AFDN: variants seen among roughly 807,000 people sequenced by gnomAD.
AFDN encodes afadin.
Under a neutral mutation model 216.6 loss-of-function variants are expected in AFDN, and 68 were observed. That is an observed-to-expected ratio of 0.31 (90% CI 0.26 to 0.38). AFDN has a LOEUF of 0.38. Among genes scored for constraint, AFDN ranks in the 10% least tolerant of loss-of-function variants. AFDN has a pLI of 1.00. For synonymous variants in AFDN, 868 were observed against 853.7 expected, an observed-to-expected ratio of 1.02 and a Z score of -0.29; for missense variants, 2,136 against 2,342.0, an observed-to-expected ratio of 0.91 and a Z score of 1.82.
chr6:167,831,326 TA>T (rs1779809188), intron 1 of AFDN, among the ~76,000 whole-genome samples: 1 of 152,246 alleles, frequency 6.6e-6, no homozygotes, highest in African/African-American at 2.4e-5. Flanking sequence ...GCCAATGATG[TA>T]TTTTTAGTAT....
intron 5 of AFDN, among the ~76,000 whole-genome samples, chr6:167,876,477 A>G (rs1406717106): frequency 6.6e-6 from 1 of 152,256 alleles, no homozygotes; most frequent in Admixed American, 6.5e-5. Context: ...ACAAAGAAGA[A>G]CAGTAGTAAA....
chr6:167,868,644 T>C (rs1476745030), intron 2 of AFDN, among the ~76,000 whole-genome samples: 5 of 152,198 alleles, frequency 3.3e-5, no homozygotes. Flanking sequence ...AAGGAGTCTA[T>C]GTTATCATCA....
chr6:167,896,134 A>C (rs769996448), intron 9 of AFDN, among the ~76,000 whole-genome samples: 3 of 152,010 alleles, frequency 2.0e-5, no homozygotes, highest in Non-Finnish European at 2.9e-5. Context: ...TCGGCAGAGC[A>C]GCTTCCTCCT....
In AFDN at chr6:167,889,225, C is replaced by T. The variant is rs754642405; in HGVS notation, c.908C>T (p.Pro303Leu). 4 of 1,612,876 alleles carry T rather than the reference C, an allele frequency of 2.5e-6. No homozygotes were observed. Among genetic ancestry groups the T allele is most frequent in the Admixed American group, 1.7e-5 (1 of 59,936 alleles). The part of the protein sequence containing the change: ...KDYCIARVML[P>L]PGAQHSDEKG... Reference sequence around the variant, plus strand: ...TTTTTGTTTTTTTAGGTTATGCTTCCTCCTGGAGCCCAGCATTCTGATGAA... The same window carrying T: ...TTTTTGTTTTTTTAGGTTATGCTTCTTCCTGGAGCCCAGCATTCTGATGAA... Residue 303 changes from proline (P) to leucine (L), a missense_variant, in exon 7 of 34, where the codon CCT becomes CTT. Coordinates refer to ENST00000683244, the MANE Select transcript of AFDN (RefSeq NM_001386888.1).
intron 21 of AFDN, among the ~76,000 whole-genome samples, 185 bp downstream of exon 21, chr6:167,919,118 A>G (rs1212412612): frequency 6.6e-6 from 1 of 152,236 alleles, no homozygotes; most frequent in African/African-American, 2.4e-5. Flanking sequence ...GTGTCGAGAC[A>G]CAGAGCCCTT....
chr6:167,944,021 C>T lies in AFDN; in HGVS notation c.3320C>T (p.Ala1107Val), dbSNP rs1042341589. 2 of 1,614,070 alleles carry T rather than the reference C, an allele frequency of 1.2e-6. No individual in the cohort carries two copies. The highest frequency in any genetic ancestry group is 2.7e-5 in the African/African-American group (2 of 75,022). Residue 1107 changes from alanine to valine, a missense_variant, in exon 26 of 34, where the codon GCC becomes GTC. This residue lies in a region of AFDN where 74 missense variants were observed against 98.8 expected (regional missense o/e 0.75). Transcript: ENST00000683244. ...CAGGGTGCCATCTACCACGGTCTGGCCACCCTTCTCAATCAGCCATCCCCC... is the reference window on the plus strand; with the variant it reads ...CAGGGTGCCATCTACCACGGTCTGGTCACCCTTCTCAATCAGCCATCCCCC... ...AKQGAIYHGL[A>V]TLLNQPSPMM...
chr6:167,951,908 G>T lies in AFDN; in HGVS notation c.4554G>T (p.Leu1518=), dbSNP rs373228271. 1 of 1,613,794 alleles carries T rather than the reference G, an allele frequency of 6.2e-7. No individual in the cohort carries two copies. The highest frequency in any genetic ancestry group is 1.3e-5 in the African/African-American group (1 of 74,898). The change falls in exon 30 of 34, where the codon CTG becomes CTT. Residue 1518 remains leucine, a synonymous_variant. Coordinates refer to ENST00000683244, the MANE Select transcript of AFDN (RefSeq NM_001386888.1). The surrounding 1 kb of genome is among the most constrained non-coding windows in gnomAD (Gnocchi z 7.1). ...SKEELSSGDS[L]SPDPWKRDAK... Reference sequence around the variant, plus strand: ...AGGAGCTTTCCTCGGGGGACAGTCTGTCCCCCGACCCGTGGAAGCGGGACG... The same window carrying T: ...AGGAGCTTTCCTCGGGGGACAGTCTTTCCCCCGACCCGTGGAAGCGGGACG...
At chr6:167,911,586 A>C in intron 15 of AFDN, 97 bp downstream of exon 15, 1 of 1,101,866 alleles carries the variant, frequency 9.1e-7, no homozygotes, top group South Asian at 1.4e-5. Flanking sequence ...ATTTGGTTAC[A>C]AGATTTTTTT....
At chr6:167,942,278 C>T (rs541143297) in intron 23 of AFDN, among the ~76,000 whole-genome samples, 81 of 152,292 alleles carry the variant, frequency 5.3e-4, no homozygotes, top group African/African-American at 1.8e-3. Context: ...ATCGTATCTT[C>T]GTACCTTTCT....
At position 167,915,305 on chromosome 6, in the gene AFDN, C is replaced by T; in HGVS notation, c.2437C>T (p.Pro813Ser). The change falls in exon 19 of 34, where the codon CCA becomes TCA. Residue 813 changes from proline (P) to serine (S), a missense_variant. Pro to Ser is a moderately conservative substitution (Grantham distance 74). Around this residue, in one of 8 missense-constraint regions of AFDN, gnomAD observed 817 missense variants for 965.7 expected, o/e 0.85. Coordinates refer to ENST00000683244, the MANE Select transcript of AFDN (RefSeq NM_001386888.1). ...MWLFNRLVTDPDSGLCSHYWG... is the reference protein window; with the variant it reads ...MWLFNRLVTDSDSGLCSHYWG... ...GCTGTTCAATAGATTGGTGACCGACCCAGATTCGGGGCTGTGCTCCCATTA... is the reference window on the plus strand; with the variant it reads ...GCTGTTCAATAGATTGGTGACCGACTCAGATTCGGGGCTGTGCTCCCATTA... 7.4e-6 allele frequency: 12 copies of T among 1,614,216 alleles called. No homozygotes were observed. Among genetic ancestry groups the T allele is most frequent in the Non-Finnish European group, 1.0e-5 (12 of 1,180,034 alleles).
At chr6:167,917,343 A>G in intron 20 of AFDN, 111 bp downstream of exon 20, 1 of 1,138,750 alleles carries the variant, frequency 8.8e-7, no homozygotes, top group South Asian at 2.2e-5. Flanking sequence ...ATTTATTCTC[A>G]TCTTACAAGA....
rs935561942 is a variant in AFDN at position 167,831,433 on chromosome 6, G to A, written c.105+4196G>A. 3.3e-5 allele frequency among the ~76,000 whole-genome samples: 5 copies of A among 152,010 alleles called. No individual in the cohort carries two copies. The South Asian group carries it at 6.2e-4, about 19-fold the overall frequency. ...TTTATTTCCTTTAATAACTGGTTAC[G>A]TTTTATGTTTGATTCGGTGTGTTCT... On this transcript the variant is annotated intron_variant, in intron 1 of 33. Transcript: ENST00000683244.
chr6:167,913,684 A>G (rs377005146), intron 16 of AFDN: 9 of 509,918 alleles, frequency 1.8e-5, no homozygotes, highest in Non-Finnish European at 2.8e-5. Flanking sequence ...CTTGGTTCCT[A>G]TTCTTTGGAT....
chr6:167,918,693 A>G, intron 20 of AFDN, 42 bp from the exon 21 acceptor site: 4 of 1,586,494 alleles, frequency 2.5e-6, no homozygotes, highest in Non-Finnish European at 3.5e-6. Context: ...TGCACCAGGC[A>G]GTGAGCATCT....
In AFDN at chr6:167,914,726, C is replaced by A. The variant is rs1562663183; in HGVS notation, c.2287C>A (p.Arg763=). 6.2e-7 allele frequency: 1 copy of A among 1,609,076 alleles called. No homozygotes were observed. The highest frequency in any genetic ancestry group is 1.7e-5 in the Admixed American group (1 of 59,970). Residue 763 remains arginine (R), a synonymous_variant, in exon 18 of 34, where the codon CGA becomes AGA. Transcript: ENST00000683244. ...LDDPEENSLQ[R]PKIDDVLHTL... is the part of the protein sequence containing the mutation. ...TGACCCTGAAGAGAACAGTCTGCAA[C>A]GACCAAAAATAGGTTAGGATGTTTT...
intron 29 of AFDN, among the ~76,000 whole-genome samples, chr6:167,948,707 C>A (rs979287133): frequency 6.6e-6 from 1 of 152,138 alleles, no homozygotes; most frequent in Non-Finnish European, 1.5e-5. Context: ...GAATATAAGG[C>A]CTTACAATTT....
In AFDN at chr6:167,918,761, G is replaced by A; in HGVS notation, c.2736G>A (p.Val912=). Residue 912 remains valine, a synonymous_variant, in exon 21 of 34, where the codon GTG becomes GTA. Transcript: ENST00000683244. ...ATCTTATAGAAAATGTAGTGACTGT[G>A]GCTGAAAACACTGCCGATGAGCTGG... ...PTDLIENVVT[V]AENTADELAR... is the part of the protein sequence containing the mutation. The A allele has an allele frequency of 6.2e-7, 1 of 1,614,168 alleles. No homozygotes were observed. The highest frequency in any genetic ancestry group is 8.5e-7 in the Non-Finnish European group (1 of 1,180,014).
chr6:167,951,661 A>G lies in AFDN; in HGVS notation c.4307A>G (p.Glu1436Gly), dbSNP rs1473269131. Residue 1436 changes from glutamate to glycine, a missense_variant, in exon 30 of 34, where the codon GAG (glutamate) becomes GGG (glycine). Physicochemically the swap from Glu to Gly is moderately conservative, Grantham distance 98. Around this residue, in one of 8 missense-constraint regions of AFDN, gnomAD observed 981 missense variants for 966.0 expected, o/e 1.02. Transcript: ENST00000683244. The surrounding 1 kb of genome is among the most constrained non-coding windows in gnomAD (Gnocchi z 7.1). Reference sequence around the variant, plus strand: ...AAGGAGAAGGCCCGCCTGGAGGAGGAGCGGGAGAGGAAGCGGAGAGAGCAG... The same window carrying G: ...AAGGAGAAGGCCCGCCTGGAGGAGGGGCGGGAGAGGAAGCGGAGAGAGCAG... ...YEKEKARLEE[E>G]RERKRREQER... 2 of 1,614,030 alleles carry G rather than the reference A, an allele frequency of 1.2e-6. No homozygotes were observed. The highest frequency in any genetic ancestry group is 1.1e-5 in the South Asian group (1 of 91,066).
chr6:167,850,185 A>G (rs973433064), intron 1 of AFDN, among the ~76,000 whole-genome samples: 1 of 152,202 alleles, frequency 6.6e-6, no homozygotes, highest in African/African-American at 2.4e-5. Context: ...ATAAGGCAGT[A>G]ATAGTCATGT....
Sources: allele counts gnomAD v4.1 joint callset (sites outside exome capture counted in the v4.1 genomes callset), GRCh38; gene constraint gnomAD v4.1.1; regional missense constraint gnomAD v4.1.1; non-coding constraint Gnocchi (gnomAD v3.1); transcripts MANE v1.5; gene names NCBI Gene and HGNC (gene_info 2026-07-23, HGNC 2026-07-21).